Variants in ATP23 observed in about 807,000 individuals in gnomAD.
The protein encoded by ATP23 is ATP23 metallopeptidase and ATP synthase assembly factor homolog.
A neutral mutation model predicts 28.5 loss-of-function variants in ATP23; 24 were observed. That is an observed-to-expected ratio of 0.84 (90% CI 0.61 to 1.18). The LOEUF (loss-of-function observed/expected upper bound fraction) is 1.18. Among genes scored for constraint, ATP23 ranks in the 50% most tolerant of loss-of-function variants. The pLI, the probability that ATP23 is intolerant of heterozygous loss-of-function variation, is 0.00. For synonymous variants in ATP23, 99 were observed against 108.6 expected (o/e 0.91, Z 0.55); for missense variants, 274 against 306.4 (o/e 0.89, Z 0.79).
At chr12:57,955,280 G>GTTTTTTTTTTT (rs71087605) in intron 5 of ATP23, among the ~76,000 whole-genome samples, 1 of 142,116 alleles carries the variant, frequency 7.0e-6, no homozygotes, top group African/African-American at 2.6e-5. Context: ...AATAGAGCAT[G>GTTTTTTTTTTT]TTTTTTTTTT....
chr12:57,954,917 T>C (rs945635139), intron 5 of ATP23, among the ~76,000 whole-genome samples: 12 of 151,916 alleles, frequency 7.9e-5, no homozygotes, highest in African/African-American at 2.9e-4. Flanking sequence ...AAAGGGTGAT[T>C]ACTCTAGACA....
intron 3 of ATP23, among the ~76,000 whole-genome samples, chr12:57,949,555 G>A (rs1014810773): frequency 1.9e-4 from 29 of 152,012 alleles, no homozygotes; most frequent in African/African-American, 6.0e-4. Context: ...GTGCAGTGGC[G>A]CAATCATGGC....
chr12:57,941,753 C>T lies in ATP23; in HGVS notation c.52C>T (p.Leu18=), dbSNP rs1565871424. The change falls in exon 1 of 6, where the codon CTG becomes TTG. Residue 18 remains leucine, a synonymous_variant. Transcript: ENST00000300145. ...GCGGGGCCCCGCGGCAGGGGAGCAG[C>T]TGCAGCAGCAACACGTCTCTTGCCA... is the stretch of plus-strand genomic sequence containing the variant. ...RRRGPAAGEQ[L]QQQHVSCQVF... The T allele has an allele frequency of 7.5e-6, 12 of 1,598,284 alleles. No homozygotes were observed. Among genetic ancestry groups the T allele is most frequent in the African/African-American group, 1.3e-5 (1 of 74,810 alleles).
intron 5 of ATP23, among the ~76,000 whole-genome samples, chr12:57,956,236 C>A (rs1044368021): frequency 1.3e-5 from 2 of 152,234 alleles, no homozygotes; most frequent in Middle Eastern, 3.4e-3. Context: ...AGGACTTACC[C>A]TTCTCAAAGG....
rs776636956 is a variant in ATP23, at chr12:57,941,709, G to A, written c.8G>A (p.Gly3Glu). The A allele has an allele frequency of 1.1e-5, 17 of 1,603,012 alleles. No homozygotes were observed. In the East Asian group the frequency reaches 3.4e-4, roughly 32 times the overall value. ...GCGAGGTCTGCGGGAGGCATGGCGG[G>A]AGCTCCGGACGAGCGCCGGCGGGGC... Reference protein sequence around the residue: MAGAPDERRRGPA... With the variant: MAEAPDERRRGPA... Residue 3 changes from glycine (G) to glutamate (E), a missense_variant, in exon 1 of 6, where the codon GGA becomes GAA. Transcript: ENST00000300145.
intron 5 of ATP23, among the ~76,000 whole-genome samples, chr12:57,956,477 C>T (rs1231368068): frequency 6.6e-6 from 1 of 151,638 alleles, no homozygotes; most frequent in African/African-American, 2.4e-5. Context: ...GAAGGTCTTA[C>T]TTATGCCTAA....
chr12:57,955,241 T>TA (rs557737740), intron 5 of ATP23, among the ~76,000 whole-genome samples: 15 of 149,778 alleles, frequency 1.0e-4, no homozygotes, highest in South Asian at 4.2e-4. Flanking sequence ...CTTTTCCAAT[T>TA]AAAAAAAAAT....
chr12:57,942,551 G>T (rs1754177469), intron 1 of ATP23, among the ~76,000 whole-genome samples: 1 of 151,884 alleles, frequency 6.6e-6, no homozygotes, highest in African/African-American at 2.4e-5. Context: ...AGCCTCCCGA[G>T]TAGCTGGGAC....
chr12:57,950,702 A>AT (rs1468040190), intron 3 of ATP23, among the ~76,000 whole-genome samples: 2 of 150,840 alleles, frequency 1.3e-5, no homozygotes, highest in East Asian at 1.9e-4. Context: ...TTTTTATTTT[A>AT]TTTTTTTATA....
At chr12:57,948,904 G>GC (rs1349833947) in intron 3 of ATP23, among the ~76,000 whole-genome samples, 1 of 152,144 alleles carries the variant, frequency 6.6e-6, no homozygotes, top group Non-Finnish European at 1.5e-5. Context: ...ATTTTATGTA[G>GC]CATTTTGTAG....
At position 57,959,052 on chromosome 12, in the gene ATP23, A is replaced by C. The variant is rs530317617; in HGVS notation, c.*2162A>C. ...AGAGCTTAAAGAAAAAAGAATAAAA[A>C]ATTCAGGAAACTTTGGACACACTTT... is the stretch of plus-strand genomic sequence containing the variant. On this transcript the variant is annotated 3_prime_UTR_variant, in exon 6 of 6. Coordinates refer to ENST00000300145, the MANE Select transcript of ATP23 (RefSeq NM_033276.4). 4.1e-4 allele frequency among the ~76,000 whole-genome samples: 63 copies of C among 152,260 alleles called. No individual in the cohort carries two copies. In the South Asian group the frequency reaches 0.012, roughly 29 times the overall value.
At chr12:57,945,389 T>C (rs762472358) in intron 1 of ATP23, among the ~76,000 whole-genome samples, 1 of 152,092 alleles carries the variant, frequency 6.6e-6, no homozygotes, top group East Asian at 1.9e-4. Flanking sequence ...TGTGCCACCA[T>C]GCCCAGCTAA....
At chr12:57,954,085 CTA>C (rs1211432138) in intron 5 of ATP23, among the ~76,000 whole-genome samples, 1 of 149,492 alleles carries the variant, frequency 6.7e-6, no homozygotes, top group East Asian at 2.0e-4. Context: ...GTCCCAACTA[CTA>C]TGGAGGCTGA....
At chr12:57,951,663 TG>T in intron 3 of ATP23, 94 bp from the exon 4 acceptor site, 1 of 1,374,282 alleles carries the variant, frequency 7.3e-7, no homozygotes, top group Non-Finnish European at 1.0e-6. Context: ...CAGGTGAGCT[TG>T]TGGGGGAGAG....
At chr12:57,945,778 G>T in intron 2 of ATP23, 105 bp downstream of exon 2, 5 of 1,085,926 alleles carry the variant, frequency 4.6e-6, no homozygotes, top group Middle Eastern at 2.0e-4. Context: ...AGGTCACAAA[G>T]TCTTTTCCAT....
At position 57,941,728 on chromosome 12, in the gene ATP23, G is replaced by A; in HGVS notation, c.27G>A (p.Arg9=). The change falls in exon 1 of 6, where the codon CGG becomes CGA. Residue 9 remains arginine, a synonymous_variant. Transcript: ENST00000300145. Reference sequence around the variant, plus strand: ...TGGCGGGAGCTCCGGACGAGCGCCGGCGGGGCCCCGCGGCAGGGGAGCAGC... The same window carrying A: ...TGGCGGGAGCTCCGGACGAGCGCCGACGGGGCCCCGCGGCAGGGGAGCAGC... MAGAPDER[R]RGPAAGEQLQ... 6.3e-7 allele frequency: 1 copy of A among 1,596,206 alleles called. No homozygotes were observed. The highest frequency in any genetic ancestry group is 8.5e-7 in the Non-Finnish European group (1 of 1,172,728).
chr12:57,954,278 T>G (rs1010066051), intron 5 of ATP23, among the ~76,000 whole-genome samples: 2 of 149,982 alleles, frequency 1.3e-5, no homozygotes, highest in East Asian at 3.9e-4. Context: ...GGAAGTGAAA[T>G]CACAGCATGT....
chr12:57,944,456 C>T (rs978051914), intron 1 of ATP23, among the ~76,000 whole-genome samples: 12 of 152,140 alleles, frequency 7.9e-5, no homozygotes, highest in East Asian at 1.9e-4. Context: ...GTAGTAGTCA[C>T]GGGCCCATAG....
intron 2 of ATP23, among the ~76,000 whole-genome samples, chr12:57,946,191 C>T (rs1392523437): frequency 6.6e-6 from 1 of 152,004 alleles, no homozygotes; most frequent in Non-Finnish European, 1.5e-5. Flanking sequence ...TCTTACCATT[C>T]ACCTTGGGTG....
Sources: gnomAD v4.1 joint callset for allele counts (sites outside exome capture counted in the v4.1 genomes callset) on GRCh38, gnomAD v4.1.1 for gene constraint, MANE v1.5 for transcripts, NCBI Gene and HGNC (gene_info 2026-07-23, HGNC 2026-07-21) for gene names.